Variants in SEMA5A observed in about 807,000 individuals in gnomAD.
The protein encoded by SEMA5A is semaphorin 5A, also known as semaphorin-5A.
SEMA5A carries 55 observed loss-of-function variants against 135.5 expected under a neutral mutation model. The observed-to-expected ratio is 0.41, with a 90% CI of 0.33 to 0.51. The LOEUF (loss-of-function observed/expected upper bound fraction) is 0.51, where lower values mean the gene tolerates loss of function less well. Ranked by LOEUF, SEMA5A falls within the 20% of genes least tolerant of loss-of-function variation. SEMA5A has a pLI of 0.37. For missense variants in SEMA5A, 1,290 were observed against 1,419.9 expected, an observed-to-expected ratio of 0.91 and a Z score of 1.47; for synonymous variants, 580 against 546.5, an observed-to-expected ratio of 1.06 and a Z score of -0.85.
intron 4 of SEMA5A, among the ~76,000 whole-genome samples, chr5:9,328,564 A>G (rs1409864322): frequency 6.6e-6 from 1 of 152,058 alleles, no homozygotes; most frequent in Non-Finnish European, 1.5e-5. Context: ...GGATCACTTG[A>G]GGTCAGGAGT....
At chr5:9,470,960 C>G (rs1266083672) in intron 1 of SEMA5A, among the ~76,000 whole-genome samples, 1 of 152,058 alleles carries the variant, frequency 6.6e-6, no homozygotes, top group African/African-American at 2.4e-5. Context: ...AAAAAGCGAT[C>G]CTAGTTATTT....
intron 1 of SEMA5A, among the ~76,000 whole-genome samples, chr5:9,543,226 A>C (rs1738188496): frequency 6.6e-6 from 1 of 152,192 alleles, no homozygotes; most frequent in Non-Finnish European, 1.5e-5. Context: ...CTCTGGAACT[A>C]AATTTCTTAC....
At chr5:9,218,843 C>T (rs374851192) in intron 8 of SEMA5A, among the ~76,000 whole-genome samples, 2 of 152,164 alleles carry the variant, frequency 1.3e-5, no homozygotes, top group African/African-American at 2.4e-5. Context: ...AATTCAAGAA[C>T]CACAGGCCCA....
intron 15 of SEMA5A, among the ~76,000 whole-genome samples, chr5:9,115,665 G>A (rs776338285): frequency 6.6e-6 from 1 of 152,156 alleles, no homozygotes; most frequent in Non-Finnish European, 1.5e-5. Context: ...GGATAAGACT[G>A]AGGGACCTTG....
intron 13 of SEMA5A, among the ~76,000 whole-genome samples, chr5:9,125,177 T>C (rs1349342808): frequency 2.0e-5 from 3 of 152,224 alleles, no homozygotes; most frequent in African/African-American, 7.2e-5. Context: ...GCTATAATTA[T>C]GACTATCCCT....
At chr5:9,309,869 A>G (rs1658558269) in intron 5 of SEMA5A, among the ~76,000 whole-genome samples, 2 of 16,388 alleles carry the variant, frequency 1.2e-4, no homozygotes, top group African/African-American at 1.8e-4. Context: ...ATAAAACAGC[A>G]TCTGACAGAA....
In SEMA5A at chr5:9,152,112, G is replaced by T. The variant is rs147325308; in HGVS notation, c.1481+2376C>A. On this transcript the variant is annotated intron_variant, in intron 12 of 22. Coordinates refer to ENST00000382496, the MANE Select transcript of SEMA5A (RefSeq NM_003966.3). ...CGATTATGACCCAGACTCAAGGAAG[G>T]AGAGCAACCTGTAAAAGATGAATTG... is the stretch of plus-strand genomic sequence containing the variant. Among the ~76,000 whole-genome samples the T allele has an allele frequency of 3.5e-3, 538 of 152,330 alleles. 2 individuals carry two copies. The highest frequency in any genetic ancestry group is 0.012 in the African/African-American group (519 of 41,578).
At chr5:9,308,551 C>A (rs1423402154) in intron 5 of SEMA5A, among the ~76,000 whole-genome samples, 6 of 152,138 alleles carry the variant, frequency 3.9e-5, no homozygotes, top group African/African-American at 1.4e-4. Context: ...TGCTTGAGAA[C>A]CCCTATCTCA....
rs569922807 is a variant in SEMA5A at position 9,541,504 on chromosome 5, GT to G, written c.-175+4079del. ...AAAAAAATTATTCTCTTTTAAAATA[GT>G]TTTTTTTCCCCAAGTGTTAATCAGG... On this transcript the variant is annotated intron_variant, in intron 1 of 22. Transcript: ENST00000382496. Among the ~76,000 whole-genome samples the G allele has an allele frequency of 2.5e-4, 38 of 151,898 alleles. No homozygotes were observed. The East Asian group carries it at 6.2e-3, about 25-fold the overall frequency.
At chr5:9,287,756 C>T (rs1398461446) in intron 5 of SEMA5A, among the ~76,000 whole-genome samples, 2 of 152,126 alleles carry the variant, frequency 1.3e-5, no homozygotes, top group Non-Finnish European at 2.9e-5. Context: ...ATGAGCCATA[C>T]CAGAGATCAC....
intron 4 of SEMA5A, among the ~76,000 whole-genome samples, chr5:9,320,135 C>T (rs1268793371): frequency 1.3e-5 from 2 of 152,082 alleles, no homozygotes; most frequent in African/African-American, 2.4e-5. Flanking sequence ...CTCTCTAAAC[C>T]GAGTGAAAAC....
intron 15 of SEMA5A, among the ~76,000 whole-genome samples, chr5:9,110,930 C>A (rs1740206617): frequency 6.6e-6 from 1 of 152,024 alleles, no homozygotes. Flanking sequence ...AGATCATGGC[C>A]TCTAGATAGG....
chr5:9,285,168 T>C lies in SEMA5A; in HGVS notation c.270+33204A>G, dbSNP rs932388039. 5.3e-4 allele frequency among the ~76,000 whole-genome samples: 80 copies of C among 152,340 alleles called. 1 individual carries two copies. Among genetic ancestry groups the C allele is most frequent in the African/African-American group, 7.7e-4 (32 of 41,582 alleles). ...CACAGTCTCTTTTTCCTTCCAACTA[T>C]CGTCTAGTATGTCTTCTACTCTACA... On this transcript the variant is annotated intron_variant, in intron 5 of 22. Coordinates refer to ENST00000382496, the MANE Select transcript of SEMA5A (RefSeq NM_003966.3).
At chr5:9,066,182 T>C (rs904926290) in intron 17 of SEMA5A, among the ~76,000 whole-genome samples, 2 of 152,220 alleles carry the variant, frequency 1.3e-5, no homozygotes, top group African/African-American at 2.4e-5. Flanking sequence ...ATAATAAATA[T>C]AGTGTTATCT....
At chr5:9,501,842 G>A (rs1735615213) in intron 1 of SEMA5A, among the ~76,000 whole-genome samples, 1 of 152,128 alleles carries the variant, frequency 6.6e-6, no homozygotes, top group Admixed American at 6.6e-5. Context: ...CCACCAATTG[G>A]GTTTTCCCAT....
intron 1 of SEMA5A, among the ~76,000 whole-genome samples, chr5:9,457,011 G>A (rs1001095582): frequency 6.6e-6 from 1 of 152,080 alleles, no homozygotes; most frequent in African/African-American, 2.4e-5. Flanking sequence ...TGAAAGATCT[G>A]GAATTTTCAT....
chr5:9,106,884 G>A (rs1465915494), intron 16 of SEMA5A, among the ~76,000 whole-genome samples: 1 of 152,182 alleles, frequency 6.6e-6, no homozygotes, highest in African/African-American at 2.4e-5. Flanking sequence ...AGCTACGACA[G>A]TATCTTTTCC....
intron 3 of SEMA5A, among the ~76,000 whole-genome samples, chr5:9,351,803 CT>C (rs1375479170): frequency 6.6e-6 from 1 of 152,158 alleles, no homozygotes; most frequent in African/African-American, 2.4e-5. Context: ...TATGGACTAG[CT>C]AAAAACTTTT....
chr5:9,477,393 G>A (rs1242773252), intron 1 of SEMA5A, among the ~76,000 whole-genome samples: 1 of 152,186 alleles, frequency 6.6e-6, no homozygotes, highest in Non-Finnish European at 1.5e-5. Context: ...GGCAGAGGTT[G>A]GAATAGTCTG....
Sources: allele counts gnomAD v4.1 joint callset (sites outside exome capture counted in the v4.1 genomes callset), GRCh38; gene constraint gnomAD v4.1.1; transcripts MANE v1.5; gene names NCBI Gene and HGNC (gene_info 2026-07-23, HGNC 2026-07-21).